Variants in LYN observed in about 807,000 individuals in gnomAD.
The protein encoded by LYN is tyrosine-protein kinase Lyn.
A neutral mutation model predicts 65.0 loss-of-function variants in LYN; 12 were observed. The observed-to-expected ratio is 0.18, with a 90% CI of 0.12 to 0.30. LYN has a LOEUF of 0.30. LYN is among the 10% of genes least tolerant of loss of function. The probability of loss-of-function intolerance (pLI) is 1.00; values close to 1 mark genes in which losing one functional copy is unlikely to be tolerated. For missense variants in LYN, 380 were observed against 623.2 expected (o/e 0.61, Z 4.16); for synonymous variants, 222 against 221.2 (o/e 1.00, Z -0.03).
chr8:55,958,552 A>G (rs977887088), intron 8 of LYN, among the ~76,000 whole-genome samples: 3 of 152,234 alleles, frequency 2.0e-5, no homozygotes, highest in Non-Finnish European at 4.4e-5. Flanking sequence ...CTACACTGTT[A>G]TGCAACCAAT....
chr8:55,921,811 A>C (rs955548459), intron 1 of LYN, among the ~76,000 whole-genome samples: 1 of 152,184 alleles, frequency 6.6e-6, no homozygotes, highest in East Asian at 1.9e-4. Flanking sequence ...ATGATGGTAT[A>C]TTAGTAATAA....
intron 1 of LYN, among the ~76,000 whole-genome samples, chr8:55,885,779 T>A (rs1172931818): frequency 1.3e-5 from 2 of 152,202 alleles, no homozygotes; most frequent in Admixed American, 1.3e-4. Flanking sequence ...TGTAGCCCGA[T>A]GCTGGAGAGA....
intron 10 of LYN, among the ~76,000 whole-genome samples, chr8:55,996,965 A>G (rs184541301): frequency 1.3e-5 from 2 of 152,188 alleles, no homozygotes; most frequent in African/African-American, 4.8e-5. Context: ...TACTAAAAAT[A>G]CAAAAACTAG....
intron 10 of LYN, among the ~76,000 whole-genome samples, chr8:55,996,680 C>T (rs1214571357): frequency 6.6e-6 from 1 of 150,648 alleles, no homozygotes; most frequent in African/African-American, 2.4e-5. Context: ...TTCTTCCTTC[C>T]TTCTCCTTAA....
chr8:55,888,324 G>C (rs1177249138), intron 1 of LYN, among the ~76,000 whole-genome samples: 1 of 152,168 alleles, frequency 6.6e-6, no homozygotes, highest in Non-Finnish European at 1.5e-5. Context: ...GTTCCAGAGA[G>C]GCAGTGGGAG....
Position 55,921,121 on chromosome 8 carries a change from GA to G in LYN, c.-5-20733del, listed in dbSNP as rs559355002. On this transcript the variant is annotated intron_variant, in intron 1 of 12. Transcript: ENST00000519728. ...ACGTCTGAAACGAAAACAATTTTGG[GA>G]GTTAACATTTATTAATCATCTATTA... Among the ~76,000 whole-genome samples, 495 of 152,324 alleles carry G rather than the reference GA, an allele frequency of 3.2e-3. 2 individuals are homozygous for G. The highest frequency in any genetic ancestry group is 1.0e-2 in the South Asian group (48 of 4,820).
chr8:55,957,808 A>C (rs1356136327), intron 8 of LYN, among the ~76,000 whole-genome samples: 3 of 152,130 alleles, frequency 2.0e-5, no homozygotes. Flanking sequence ...TTAGTTGAGC[A>C]TGGTGGTGTT....
chr8:55,910,305 T>C (rs1291000874), intron 1 of LYN, among the ~76,000 whole-genome samples: 1 of 152,218 alleles, frequency 6.6e-6, no homozygotes, highest in African/African-American at 2.4e-5. Flanking sequence ...CTTTAATTCA[T>C]CTTGAGTTGA....
chr8:55,957,981 G>A (rs894663957), intron 8 of LYN, among the ~76,000 whole-genome samples: 2 of 152,122 alleles, frequency 1.3e-5, no homozygotes, highest in African/African-American at 4.8e-5. Context: ...GTTGCTGCCA[G>A]CCTGGATGCC....
intron 1 of LYN, among the ~76,000 whole-genome samples, chr8:55,881,325 C>T (rs1804647619): frequency 6.6e-6 from 1 of 152,186 alleles, no homozygotes; most frequent in Admixed American, 6.5e-5. Flanking sequence ...AGTAGTCTGA[C>T]TTTCCCTAAA....
chr8:55,900,224 T>C (rs1357344075), intron 1 of LYN, among the ~76,000 whole-genome samples: 1 of 152,210 alleles, frequency 6.6e-6, no homozygotes, highest in African/African-American at 2.4e-5. Flanking sequence ...TCACTGGAGT[T>C]GCAATGAATA....
In LYN at chr8:56,001,026, G is replaced by A. The variant is rs562835270; in HGVS notation, c.1336+1477G>A. On this transcript the variant is annotated intron_variant, in intron 12 of 12. Coordinates refer to ENST00000519728, the MANE Select transcript of LYN (RefSeq NM_002350.4). ...GAGAGTAGTGTGGAGCCTGCGTGGA[G>A]TGGCTTAGGGATTGGCGAGTACTCA... Among the ~76,000 whole-genome samples, 31 of 152,208 alleles carry A rather than the reference G, an allele frequency of 2.0e-4. No homozygotes were observed. In the South Asian group the frequency reaches 6.4e-3, roughly 32 times the overall value.
intron 1 of LYN, among the ~76,000 whole-genome samples, chr8:55,901,708 C>T (rs1281907344): frequency 6.6e-6 from 1 of 152,234 alleles, no homozygotes; most frequent in African/African-American, 2.4e-5. Flanking sequence ...GAAGCTACAG[C>T]AGCACTGCTC....
chr8:55,890,676 A>G (rs1356442424), intron 1 of LYN, among the ~76,000 whole-genome samples: 1 of 151,986 alleles, frequency 6.6e-6, no homozygotes, highest in Non-Finnish European at 1.5e-5. Flanking sequence ...ATTAGAAGTA[A>G]CTCATGTTCA....
At chr8:55,997,379 T>C (rs1315542484) in intron 10 of LYN, among the ~76,000 whole-genome samples, 1 of 152,190 alleles carries the variant, frequency 6.6e-6, no homozygotes, top group Non-Finnish European at 1.5e-5. Flanking sequence ...ACTGGGTGGC[T>C]TAAACGAGAG....
chr8:55,954,047 A>G, intron 8 of LYN, 63 bp downstream of exon 8: 1 of 1,554,856 alleles, frequency 6.4e-7, no homozygotes. Flanking sequence ...GTAAAGGCTC[A>G]AGCCAATTTC....
At chr8:55,904,865 T>A (rs1415461049) in intron 1 of LYN, among the ~76,000 whole-genome samples, 3 of 152,198 alleles carry the variant, frequency 2.0e-5, no homozygotes, top group Non-Finnish European at 4.4e-5. Context: ...CATTTTACCC[T>A]TTTTCAAAAG....
intron 4 of LYN, among the ~76,000 whole-genome samples, chr8:55,950,233 G>A (rs1245420078): frequency 6.6e-6 from 1 of 152,174 alleles, no homozygotes; most frequent in Admixed American, 6.5e-5. Flanking sequence ...GAACATTCAT[G>A]TACAAGTTTT....
intron 10 of LYN, among the ~76,000 whole-genome samples, 178 bp from the exon 11 acceptor site, chr8:55,998,168 G>T (rs1278499272): frequency 6.6e-6 from 1 of 151,748 alleles, no homozygotes; most frequent in East Asian, 1.9e-4. Flanking sequence ...AGGGTGGTCA[G>T]TTATTTTAGA....
Sources: allele counts gnomAD v4.1 joint callset (sites outside exome capture counted in the v4.1 genomes callset), GRCh38; gene constraint gnomAD v4.1.1; transcripts MANE v1.5; gene names NCBI Gene and HGNC (gene_info 2026-07-23, HGNC 2026-07-21).